SPIDR: variants seen among roughly 807,000 people sequenced by gnomAD.
SPIDR encodes the protein DNA repair-scaffolding protein.
SPIDR carries 93 observed loss-of-function variants against 104.6 expected under a neutral mutation model. The ratio of observed to expected loss-of-function variants is 0.89; its 90% CI spans 0.75 to 1.06. The LOEUF (loss-of-function observed/expected upper bound fraction) is 1.06, where lower values mean the gene tolerates loss of function less well. Among genes scored for constraint, SPIDR ranks in the 50% least tolerant of loss-of-function variants. SPIDR has a pLI of 0.00. For missense variants in SPIDR, 1,154 were observed against 1,111.2 expected (o/e 1.04, Z -0.55); for synonymous variants, 431 against 416.9 (o/e 1.03, Z -0.41).
chr8:47,554,722 G>C (rs1328882693), intron 8 of SPIDR, among the ~76,000 whole-genome samples: 2 of 152,184 alleles, frequency 1.3e-5, no homozygotes, highest in Non-Finnish European at 2.9e-5. Flanking sequence ...GCCCCACCCT[G>C]CTTCGGCTCA....
At chr8:47,416,343 G>T (rs964578859) in intron 7 of SPIDR, among the ~76,000 whole-genome samples, 1 of 152,188 alleles carries the variant, frequency 6.6e-6, no homozygotes, top group Non-Finnish European at 1.5e-5. Context: ...TATCCAAGTT[G>T]TTGTGTATGT....
At chr8:47,580,206 CTTTTTAATATT>C (rs2059569986) in intron 8 of SPIDR, among the ~76,000 whole-genome samples, 1 of 152,104 alleles carries the variant, frequency 6.6e-6, no homozygotes, top group African/African-American at 2.4e-5. Flanking sequence ...GATTGTGATT[CTTTTTAATATT>C]TAGGAGGATA....
At chr8:47,356,088 G>A (rs534039562) in intron 5 of SPIDR, among the ~76,000 whole-genome samples, 2 of 152,280 alleles carry the variant, frequency 1.3e-5, no homozygotes, top group Admixed American at 6.5e-5. Flanking sequence ...CAACACATGT[G>A]GACAAGTAGT....
chr8:47,323,243 A>T (rs2047083083), intron 5 of SPIDR, among the ~76,000 whole-genome samples: 1 of 152,180 alleles, frequency 6.6e-6, no homozygotes, highest in Admixed American at 6.5e-5. Flanking sequence ...TTTCTGGTCG[A>T]AATTTGCATA....
intron 10 of SPIDR, among the ~76,000 whole-genome samples, chr8:47,667,273 T>C (rs555587558): frequency 6.6e-6 from 1 of 151,618 alleles, no homozygotes; most frequent in Non-Finnish European, 1.5e-5. Context: ...AGAGGGAGAC[T>C]CGGTCTCAAA....
intron 7 of SPIDR, among the ~76,000 whole-genome samples, chr8:47,409,981 T>C (rs1288667770): frequency 2.0e-5 from 3 of 152,138 alleles, no homozygotes; most frequent in Non-Finnish European, 4.4e-5. Context: ...TGAGCTATGA[T>C]CGCACCTCTG....
At chr8:47,463,359 T>G (rs868981648) in intron 8 of SPIDR, among the ~76,000 whole-genome samples, 3 of 147,452 alleles carry the variant, frequency 2.0e-5, no homozygotes, top group Non-Finnish European at 4.5e-5. Flanking sequence ...AGACTCCGTC[T>G]CAAAAAAAAA....
At chr8:47,713,430 A>G in intron 15 of SPIDR, 59 bp from the exon 16 acceptor site, 7 of 1,609,814 alleles carry the variant, frequency 4.3e-6, no homozygotes, top group Non-Finnish European at 5.9e-6. Flanking sequence ...GACTGCCATT[A>G]TGGGCACAAT....
chr8:47,630,494 T>C (rs1212751501), intron 10 of SPIDR, among the ~76,000 whole-genome samples: 3 of 152,194 alleles, frequency 2.0e-5, no homozygotes, highest in African/African-American at 7.2e-5. Context: ...TACATTGTTT[T>C]AGAGTGTTAA....
chr8:47,628,574 A>G (rs1275693274), intron 10 of SPIDR, among the ~76,000 whole-genome samples: 1 of 152,216 alleles, frequency 6.6e-6, no homozygotes, highest in East Asian at 1.9e-4. Context: ...TAAAATGCAT[A>G]AAATTACCTT....
intron 7 of SPIDR, among the ~76,000 whole-genome samples, chr8:47,412,156 A>G (rs2154327529): frequency 6.6e-6 from 1 of 152,262 alleles, no homozygotes; most frequent in East Asian, 1.9e-4. Context: ...TTGGTTCCAT[A>G]TGAACTTTCA....
intron 5 of SPIDR, among the ~76,000 whole-genome samples, chr8:47,396,037 A>G (rs1392240388): frequency 6.6e-6 from 1 of 152,232 alleles, no homozygotes; most frequent in Non-Finnish European, 1.5e-5. Flanking sequence ...GACGATCATC[A>G]GCCTTTCAGA....
At chr8:47,674,473 C>G (rs978639511) in intron 11 of SPIDR, among the ~76,000 whole-genome samples, 1 of 151,884 alleles carries the variant, frequency 6.6e-6, no homozygotes, top group African/African-American at 2.4e-5. Context: ...TGTTACATCT[C>G]CAGTAATCAT....
chr8:47,542,152 C>T (rs1250119069), intron 8 of SPIDR, among the ~76,000 whole-genome samples: 2 of 150,994 alleles, frequency 1.3e-5, no homozygotes, highest in African/African-American at 4.9e-5. Context: ...TAAGCAACGT[C>T]GTCTTAACTG....
intron 5 of SPIDR, chr8:47,360,860 G>T: frequency 1.0e-6 from 1 of 985,406 alleles, no homozygotes; most frequent in Non-Finnish European, 1.2e-6. Flanking sequence ...CCTTCTTCTT[G>T]GACGTGCTGG....
chr8:47,555,457 C>T (rs190059909), intron 8 of SPIDR, among the ~76,000 whole-genome samples: 44 of 152,216 alleles, frequency 2.9e-4, no homozygotes, highest in African/African-American at 1.0e-3. Flanking sequence ...ACAGAAGAAA[C>T]TGGGAGATAG....
Position 47,695,379 on chromosome 8 carries a change from T to TA in SPIDR, c.1686-5014dup, listed in dbSNP as rs199863766. 5.9e-3 allele frequency among the ~76,000 whole-genome samples: 878 copies of TA among 149,512 alleles called. 27 individuals carry two copies. Among genetic ancestry groups the TA allele is most frequent in the East Asian group, 0.012 (60 of 5,106 alleles). ...TTTATACCCAGAATACATGCTTGGT[T>TA]AAAAAAAAAATGATTCCAAGCTCTC... On this transcript the variant is annotated intron_variant, in intron 11 of 19. Coordinates refer to ENST00000297423, the MANE Select transcript of SPIDR (RefSeq NM_001080394.4).
chr8:47,321,267 T>C (rs2154262101), intron 5 of SPIDR, among the ~76,000 whole-genome samples: 1 of 152,266 alleles, frequency 6.6e-6, no homozygotes, highest in Non-Finnish European at 1.5e-5. Context: ...AAAATCAATG[T>C]GCAAAAATCA....
chr8:47,644,749 A>G (rs925384667), intron 10 of SPIDR, among the ~76,000 whole-genome samples: 2 of 152,208 alleles, frequency 1.3e-5, no homozygotes, highest in Non-Finnish European at 2.9e-5. Context: ...ATTATGAGAC[A>G]TAATACTGTG....
Sources: gnomAD v4.1 joint callset for allele counts (sites outside exome capture counted in the v4.1 genomes callset) on GRCh38, gnomAD v4.1.1 for gene constraint, MANE v1.5 for transcripts, NCBI Gene and HGNC (gene_info 2026-07-23, HGNC 2026-07-21) for gene names.